The following CSMD1 variants were observed in gnomAD, a reference collection of about 807,000 sequenced individuals.
CSMD1 encodes the protein CUB and sushi domain-containing protein 1.
CSMD1 carries 213 observed loss-of-function variants against 417.5 expected under a neutral mutation model. The ratio of observed to expected loss-of-function variants is 0.51; its 90% CI spans 0.46 to 0.57. The LOEUF is 0.57. Among genes scored for constraint, CSMD1 ranks in the 20% least tolerant of loss-of-function variants. The pLI, the probability that CSMD1 is intolerant of heterozygous loss-of-function variation, is 0.00. For synonymous variants in CSMD1, 2,862 were observed against 1,736.8 expected, an observed-to-expected ratio of 1.65 and a Z score of -16.11; for missense variants, 6,923 against 4,529.7, an observed-to-expected ratio of 1.53 and a Z score of -15.17.
At chr8:3,491,935 C>G (rs1818402189) in intron 11 of CSMD1, among the ~76,000 whole-genome samples, 1 of 152,132 alleles carries the variant, frequency 6.6e-6, no homozygotes, top group South Asian at 2.1e-4. Context: ...CCTGAGGATC[C>G]GGAGGCTTGC....
intron 3 of CSMD1, among the ~76,000 whole-genome samples, chr8:4,308,897 T>C (rs537012920): frequency 1.3e-5 from 2 of 152,270 alleles, no homozygotes; most frequent in East Asian, 3.9e-4. Flanking sequence ...TGGTTTAAAA[T>C]ACTCAGAAAA....
intron 5 of CSMD1, among the ~76,000 whole-genome samples, chr8:3,781,202 T>A (rs1280560143): frequency 6.6e-6 from 1 of 152,174 alleles, no homozygotes; most frequent in Non-Finnish European, 1.5e-5. Context: ...AAAGTGATAA[T>A]TGGAGCAAAA....
intron 2 of CSMD1, among the ~76,000 whole-genome samples, chr8:4,439,910 G>A (rs1046496304): frequency 6.6e-6 from 1 of 152,116 alleles, no homozygotes; most frequent in Non-Finnish European, 1.5e-5. Context: ...CAGTTAACAA[G>A]CTTAATAAGG....
At chr8:3,821,641 G>A (rs1221391732) in intron 5 of CSMD1, among the ~76,000 whole-genome samples, 3 of 152,112 alleles carry the variant, frequency 2.0e-5, no homozygotes, top group Non-Finnish European at 4.4e-5. Context: ...AATTAGCCGG[G>A]CATGGTGGCA....
At position 3,021,992 on chromosome 8, in the gene CSMD1, GGAATGCACCTGCAATCCCACAGCATCCA is replaced by G. The variant is rs1563247515; in HGVS notation, c.7856-3370_7856-3343del. 1.2e-3 allele frequency among the ~76,000 whole-genome samples: 172 copies of G among 148,042 alleles called. 2 individuals carry two copies. The highest frequency in any genetic ancestry group is 3.9e-3 in the African/African-American group (153 of 39,540). ...ATGCACCTGCAATCCCACAGCATCAGGAATGCACCTGCAATCCCACAGCATCCAGAATGCACCTGCAATCCCACATCCA... is the reference window on the plus strand; with the variant it reads ...ATGCACCTGCAATCCCACAGCATCAGGAATGCACCTGCAATCCCACATCCA... On this transcript the variant is annotated intron_variant, in intron 51 of 69. Coordinates refer to ENST00000635120, the MANE Select transcript of CSMD1 (RefSeq NM_033225.6).
intron 50 of CSMD1, among the ~76,000 whole-genome samples, chr8:3,045,180 T>C (rs1811352005): frequency 6.6e-6 from 1 of 152,214 alleles, no homozygotes; most frequent in Admixed American, 6.5e-5. Flanking sequence ...TGGATTTCCA[T>C]TTTATTATAA....
rs539253905 is a variant in CSMD1, at chr8:4,123,922, A to T, written c.416-91823T>A. 3.0e-4 allele frequency among the ~76,000 whole-genome samples: 46 copies of T among 152,322 alleles called. 2 individuals carry two copies. The South Asian group carries it at 9.3e-3, about 31-fold the overall frequency. ...TCAGATTTCACAATCTCTTACAAAGAAGTTTCTTATTTGTCAATTACAACT... is the reference window on the plus strand; with the variant it reads ...TCAGATTTCACAATCTCTTACAAAGTAGTTTCTTATTTGTCAATTACAACT... On this transcript the variant is annotated intron_variant, in intron 3 of 69. Coordinates refer to ENST00000635120, the MANE Select transcript of CSMD1 (RefSeq NM_033225.6).
At chr8:3,366,726 G>A (rs1207682369) in intron 20 of CSMD1, among the ~76,000 whole-genome samples, 2 of 152,312 alleles carry the variant, frequency 1.3e-5, no homozygotes, top group East Asian at 1.9e-4. Context: ...ATCTTGTAGA[G>A]TTGGTGAAGA....
chr8:4,514,653 A>C (rs1305282333), intron 2 of CSMD1, among the ~76,000 whole-genome samples: 1 of 152,202 alleles, frequency 6.6e-6, no homozygotes, highest in Non-Finnish European at 1.5e-5. Context: ...CCTGTTAAAT[A>C]AAAAAGTAGA....
intron 5 of CSMD1, among the ~76,000 whole-genome samples, chr8:3,978,897 G>C (rs754137531): frequency 6.6e-6 from 1 of 152,166 alleles, no homozygotes; most frequent in South Asian, 2.1e-4. Context: ...TGGGAACAGT[G>C]AGAAGACAAG....
At chr8:4,811,157 G>C (rs957080580) in intron 1 of CSMD1, among the ~76,000 whole-genome samples, 2 of 152,130 alleles carry the variant, frequency 1.3e-5, no homozygotes, top group African/African-American at 4.8e-5. Context: ...GGCTGTAGTG[G>C]CATCAACCAT....
At chr8:3,545,080 C>A (rs1585338193) in intron 10 of CSMD1, among the ~76,000 whole-genome samples, 1 of 152,062 alleles carries the variant, frequency 6.6e-6, no homozygotes, top group African/African-American at 2.4e-5. Context: ...TTTCCATGAC[C>A]TTAACAAAGT....
chr8:4,341,674 C>A (rs1036311115), intron 3 of CSMD1, among the ~76,000 whole-genome samples: 1 of 152,052 alleles, frequency 6.6e-6, no homozygotes, highest in African/African-American at 2.4e-5. Flanking sequence ...TTCAGCAAAG[C>A]GACGCAGTCA....
At chr8:4,137,029 T>C (rs965768940) in intron 3 of CSMD1, among the ~76,000 whole-genome samples, 7 of 152,208 alleles carry the variant, frequency 4.6e-5, no homozygotes, top group Admixed American at 2.6e-4. Context: ...TTTTACAACA[T>C]GATCACAGTT....
chr8:4,143,266 C>T (rs117973904), intron 3 of CSMD1, among the ~76,000 whole-genome samples: 1 of 151,092 alleles, frequency 6.6e-6, no homozygotes, highest in African/African-American at 2.5e-5. Context: ...TCCATTTGTC[C>T]TCAAAGAAAT....
At chr8:3,285,024 G>A (rs769655133) in intron 25 of CSMD1, among the ~76,000 whole-genome samples, 1 of 152,154 alleles carries the variant, frequency 6.6e-6, no homozygotes, top group Non-Finnish European at 1.5e-5. Context: ...CACATTCAGA[G>A]GCAGCAGGAT....
intron 1 of CSMD1, among the ~76,000 whole-genome samples, chr8:4,906,607 G>A (rs1805296767): frequency 6.6e-6 from 1 of 151,938 alleles, no homozygotes; most frequent in Non-Finnish European, 1.5e-5. Flanking sequence ...CGACCAGGTT[G>A]AAGTGCAGTG....
In CSMD1 at chr8:4,920,942, GAA is replaced by G. The variant is rs1365910419; in HGVS notation, c.85+73388_85+73389del. Among the ~76,000 whole-genome samples, 8 of 2,486 alleles carry G rather than the reference GAA, an allele frequency of 3.2e-3. 2 individuals carry two copies. Among genetic ancestry groups the G allele is most frequent in the Non-Finnish European group, 0.013 (6 of 452 alleles). The allele number at this position is 2,486 out of a possible 152,430, so 1.6% of individuals were successfully genotyped here. A position where few individuals can be genotyped will look rare whatever the true frequency, so the allele number is the denominator to read the frequency against. Reference sequence around the variant, plus strand: ...AAAAGAAAAGAAAGAGAGAAAGAAAGAAAGAAAGAAAGAAAGAAAGAAAGAAA... The same window carrying G: ...AAAAGAAAAGAAAGAGAGAAAGAAAGAGAAAGAAAGAAAGAAAGAAAGAAA... On this transcript the variant is annotated intron_variant, in intron 1 of 69. Transcript: ENST00000635120.
At position 4,360,850 on chromosome 8, in the gene CSMD1, T is replaced by C. The variant is rs897145312; in HGVS notation, c.415+59103A>G. On this transcript the variant is annotated intron_variant, in intron 3 of 69. Coordinates refer to ENST00000635120, the MANE Select transcript of CSMD1 (RefSeq NM_033225.6). ...ACAATTAATCACGGAGCTTCTGGTC[T>C]CCTTTATCTATCTTTAATATTGGTA... 4.6e-5 allele frequency among the ~76,000 whole-genome samples: 7 copies of C among 152,144 alleles called. No homozygotes were observed. The South Asian group carries it at 8.3e-4, about 18-fold the overall frequency.
Sources: gnomAD v4.1 joint callset for allele counts (sites outside exome capture counted in the v4.1 genomes callset) on GRCh38, gnomAD v4.1.1 for gene constraint, MANE v1.5 for transcripts, NCBI Gene and HGNC (gene_info 2026-07-23, HGNC 2026-07-21) for gene names.